Variants in JMJD1C observed in about 807,000 individuals in gnomAD.
The protein encoded by JMJD1C is jumonji domain-containing protein 1C.
In JMJD1C, 31 loss-of-function variants were observed where a neutral mutation model predicts 245.3. The observed-to-expected ratio is 0.13, with a 90% CI of 0.09 to 0.17. The LOEUF (loss-of-function observed/expected upper bound fraction) is 0.17. Ranked by LOEUF, JMJD1C falls within the 10% of genes least tolerant of loss-of-function variation. The probability of loss-of-function intolerance (pLI) is 1.00; values close to 1 mark genes in which losing one functional copy is unlikely to be tolerated. For synonymous variants in JMJD1C, 1,057 were observed against 1,017.4 expected, an observed-to-expected ratio of 1.04 and a Z score of -0.74; for missense variants, 2,691 against 3,000.2, an observed-to-expected ratio of 0.90 and a Z score of 2.41.
Position 63,214,613 on chromosome 10 carries a change from T to G in JMJD1C, c.1554A>C (p.Leu518Phe). Residue 518 changes from leucine (L) to phenylalanine (F), a missense_variant, in exon 8 of 26, where the codon TTA becomes TTC. By Grantham distance (22) the Leu-to-Phe change is conservative. This residue lies in a region of JMJD1C where 1,562 missense variants were observed against 1,490.7 expected (regional missense o/e 1.05). Transcript: ENST00000399262. ...CVIDITNDTN[L>F]EKVAQENSST... Reference sequence around the variant, plus strand: ...TTGAGTTTTCCTGAGCCACCTTTTCTAAATTAGTGTCATTTGTAATATCAA... The same window carrying G: ...TTGAGTTTTCCTGAGCCACCTTTTCGAAATTAGTGTCATTTGTAATATCAA... 1 of 1,614,184 alleles carries G rather than the reference T, an allele frequency of 6.2e-7. No homozygotes were observed. The highest frequency in any genetic ancestry group is 8.5e-7 in the Non-Finnish European group (1 of 1,180,016).
rs934096725 is a variant in JMJD1C at position 63,209,647 on chromosome 10, CATTT to C, written c.2695-416_2695-413del. 3.4e-4 allele frequency among the ~76,000 whole-genome samples: 51 copies of C among 152,142 alleles called. 3 individuals are homozygous for C. Among genetic ancestry groups the C allele is most frequent in the African/African-American group, 7.2e-5 (3 of 41,446 alleles). On this transcript the variant is annotated intron_variant, in intron 8 of 25. Coordinates refer to ENST00000399262, the MANE Select transcript of JMJD1C (RefSeq NM_032776.3). ...CAGAAATAGAAATTATAACCAAATTCATTTGTCAATTTTTGTCATCAAAAAATTT... is the reference window on the plus strand; with the variant it reads ...CAGAAATAGAAATTATAACCAAATTCGTCAATTTTTGTCATCAAAAAATTT...
chr10:63,248,464 T>C (rs1852559362), intron 3 of JMJD1C, among the ~76,000 whole-genome samples: 1 of 151,826 alleles, frequency 6.6e-6, no homozygotes, highest in Admixed American at 6.6e-5. Flanking sequence ...GAGGTTGCAG[T>C]GAGCTCAGAT....
At chr10:63,479,554 A>T (rs1354375214) in intron 1 of JMJD1C, among the ~76,000 whole-genome samples, 1 of 152,326 alleles carries the variant, frequency 6.6e-6, no homozygotes, top group African/African-American at 2.4e-5. Flanking sequence ...CTGATTGATA[A>T]GTCTCTTTAA....
chr10:63,506,869 A>T (rs2133269299), intron 1 of JMJD1C, among the ~76,000 whole-genome samples: 1 of 152,328 alleles, frequency 6.6e-6, no homozygotes, highest in East Asian at 1.9e-4. Context: ...ATGCACTATT[A>T]TAGTACTGTA....
At chr10:63,295,791 G>A (rs1169612142) in intron 2 of JMJD1C, among the ~76,000 whole-genome samples, 1 of 151,554 alleles carries the variant, frequency 6.6e-6, no homozygotes, top group Admixed American at 6.6e-5. Context: ...GAAAATACAA[G>A]GTAGGCTCCA....
chr10:63,344,694 T>C (rs1173563082), intron 2 of JMJD1C, among the ~76,000 whole-genome samples: 1 of 149,292 alleles, frequency 6.7e-6, no homozygotes, highest in Non-Finnish European at 1.5e-5. Context: ...AACTTAAAAA[T>C]AAGAAAAACA....
intron 1 of JMJD1C, among the ~76,000 whole-genome samples, chr10:63,480,562 T>C (rs1182450738): frequency 6.6e-6 from 1 of 151,308 alleles, no homozygotes; most frequent in Admixed American, 6.6e-5. Flanking sequence ...GTGAGCACAA[T>C]GGTTACAGGA....
chr10:63,183,622 CATA>C, intron 21 of JMJD1C, 53 bp from the exon 22 acceptor site: 1 of 1,079,794 alleles, frequency 9.3e-7, no homozygotes, highest in South Asian at 1.8e-5. Flanking sequence ...TATGTAATAG[CATA>C]ATCAGATATT....
intron 1 of JMJD1C, chr10:63,521,656 G>A: frequency 9.1e-7 from 1 of 1,095,714 alleles, no homozygotes; most frequent in South Asian, 2.3e-5. Flanking sequence ...CGAGAGGAAA[G>A]GGAAGGCCTG....
intron 10 of JMJD1C, among the ~76,000 whole-genome samples, chr10:63,206,079 G>C (rs1377897259): frequency 1.3e-5 from 2 of 152,070 alleles, no homozygotes; most frequent in African/African-American, 4.8e-5. Flanking sequence ...TGTGAATTTT[G>C]GTATCCGTGG....
At chr10:63,339,651 C>A (rs1025493578) in intron 2 of JMJD1C, among the ~76,000 whole-genome samples, 3 of 151,638 alleles carry the variant, frequency 2.0e-5, no homozygotes, top group Non-Finnish European at 4.4e-5. Flanking sequence ...GTAGGCCAGG[C>A]GCAGTGGCTC....
At chr10:63,179,124 ATG>A (rs1166288756) in intron 22 of JMJD1C, among the ~76,000 whole-genome samples, 1 of 152,082 alleles carries the variant, frequency 6.6e-6, no homozygotes, top group African/African-American at 2.4e-5. Context: ...GATAAAGAAA[ATG>A]TGTGGCCGGG....
chr10:63,300,423 T>C (rs1859948913), intron 2 of JMJD1C, among the ~76,000 whole-genome samples: 2 of 152,194 alleles, frequency 1.3e-5, no homozygotes, highest in South Asian at 4.1e-4. Flanking sequence ...CTTTAGGAAA[T>C]GGTATTATTG....
At chr10:63,288,628 T>C (rs918382159) in intron 2 of JMJD1C, among the ~76,000 whole-genome samples, 3 of 152,118 alleles carry the variant, frequency 2.0e-5, no homozygotes, top group African/African-American at 7.2e-5. Flanking sequence ...AAGGGCTGAA[T>C]ACAGTGGCTC....
chr10:63,215,215 TTTTG>T (rs1847839646), intron 7 of JMJD1C, 44 bp downstream of exon 7: 2 of 1,541,774 alleles, frequency 1.3e-6, no homozygotes, highest in African/African-American at 2.8e-5. Context: ...TAAAATGTAT[TTTTG>T]TTTTATTTGT....
chr10:63,201,025 C>T (rs1409394476), intron 10 of JMJD1C, among the ~76,000 whole-genome samples: 1 of 152,112 alleles, frequency 6.6e-6, no homozygotes, highest in East Asian at 1.9e-4. Context: ...ACTGAAAATA[C>T]AGTCCTTCTA....
In JMJD1C at chr10:63,213,487, C is replaced by T; in HGVS notation, c.2680G>A (p.Ala894Thr). 1 of 1,593,306 alleles carries T rather than the reference C, an allele frequency of 6.3e-7. No individual in the cohort carries two copies. The highest frequency in any genetic ancestry group is 1.1e-5 in the South Asian group (1 of 89,696). Reference sequence around the variant, plus strand: ...GTGTAACTTACCCTCCTTAATGAAGCTTCAGCATTAACTGCATTTTCTGGG... The same window carrying T: ...GTGTAACTTACCCTCCTTAATGAAGTTTCAGCATTAACTGCATTTTCTGGG... ...VHPENAVNAEASLRRNSPSPW... is the reference protein window; with the variant it reads ...VHPENAVNAETSLRRNSPSPW... The change falls in exon 8 of 26, where the codon GCT (alanine) becomes ACT (threonine). Residue 894 changes from alanine (A) to threonine (T), a missense_variant. By Grantham distance (58) the Ala-to-Thr change is moderately conservative. Around this residue, in one of 9 missense-constraint regions of JMJD1C, gnomAD observed 1,562 missense variants for 1,490.7 expected, o/e 1.05. Coordinates refer to ENST00000399262, the MANE Select transcript of JMJD1C (RefSeq NM_032776.3).
chr10:63,452,057 A>G (rs1952102633), intron 1 of JMJD1C, among the ~76,000 whole-genome samples: 1 of 152,216 alleles, frequency 6.6e-6, no homozygotes, highest in African/African-American at 2.4e-5. Flanking sequence ...AATGACACCA[A>G]AAGCACCAAC....
chr10:63,291,628 A>AC (rs1256694411), intron 2 of JMJD1C, among the ~76,000 whole-genome samples: 1 of 151,120 alleles, frequency 6.6e-6, no homozygotes. Context: ...AAAAAAAAAA[A>AC]ACCGGAAAGA....
Sources: gnomAD v4.1 joint callset for allele counts (sites outside exome capture counted in the v4.1 genomes callset) on GRCh38, gnomAD v4.1.1 for gene constraint, gnomAD v4.1.1 regional missense constraint, MANE v1.5 for transcripts, NCBI Gene and HGNC (gene_info 2026-07-23, HGNC 2026-07-21) for gene names.